Variants in TCEA1 observed in about 807,000 individuals in gnomAD.
The protein encoded by TCEA1 is transcription elongation factor A protein 1.
Under a neutral mutation model 43.8 loss-of-function variants are expected in TCEA1, and 21 were observed. That is an observed-to-expected ratio of 0.48 (90% CI 0.34 to 0.69). The LOEUF (loss-of-function observed/expected upper bound fraction) is 0.69, where lower values mean the gene tolerates loss of function less well. Ranked by LOEUF, TCEA1 falls within the 30% of genes least tolerant of loss-of-function variation. The pLI is 0.01. For synonymous variants in TCEA1, 104 were observed against 117.5 expected (o/e 0.88, Z 0.75); for missense variants, 250 against 365.1 (o/e 0.68, Z 2.57).
In TCEA1 at chr8:53,967,870, T is replaced by C. The variant is rs1045501956; in HGVS notation, c.*234A>G. 5 of 412,976 alleles carry C rather than the reference T, an allele frequency of 1.2e-5. No homozygotes were observed. Among genetic ancestry groups the C allele is most frequent in the Admixed American group, 4.0e-5 (1 of 24,826 alleles). 25.6% of individuals were successfully genotyped at this position (412,976 alleles called of 1,614,324 possible). The stretch of plus-strand genomic sequence containing the variant: ...AGTTTAATTAATATCAACTTACTTA[T>C]AAAAACAGAAAAAATATGTTTTGAA... On this transcript the variant is annotated 3_prime_UTR_variant, in exon 10 of 10. Coordinates refer to ENST00000521604, the MANE Select transcript of TCEA1 (RefSeq NM_006756.4).
Position 54,022,068 on chromosome 8 carries a change from T to G in TCEA1, c.58A>C (p.Asn20His). ...KKMDKMVQKK[N>H]AAGALDLLKE... is the part of the protein sequence containing the mutation. The stretch of plus-strand genomic sequence containing the variant: ...GCGCCGCTCGCCGCGCTCACCGCGT[T>G]CTTCTTCTGCACCATCTTGTCCATC... Residue 20 changes from asparagine to histidine, a missense_variant, in exon 1 of 10, where the codon AAC becomes CAC. This residue lies in a region of TCEA1 where 30 missense variants were observed against 31.8 expected (regional missense o/e 0.94). Transcript: ENST00000521604. 2.7e-6 allele frequency: 4 copies of G among 1,502,472 alleles called. No individual in the cohort carries two copies. Among genetic ancestry groups the G allele is most frequent in the Non-Finnish European group, 3.6e-6 (4 of 1,115,674 alleles). 93.1% of individuals were successfully genotyped at this position (1,502,472 alleles called of 1,614,324 possible).
chr8:53,994,201 C>T (rs1315436464), intron 3 of TCEA1, among the ~76,000 whole-genome samples: 6 of 152,010 alleles, frequency 3.9e-5, no homozygotes, highest in Admixed American at 2.0e-4. Flanking sequence ...AAAAATTAGC[C>T]GGGCGTGGTG....
At chr8:54,003,514 A>G (rs557125145) in intron 2 of TCEA1, among the ~76,000 whole-genome samples, 2 of 152,364 alleles carry the variant, frequency 1.3e-5, no homozygotes, top group South Asian at 4.1e-4. Context: ...TCAATGGGAT[A>G]AATTTAAGAC....
At chr8:54,004,106 A>G (rs1804363451) in intron 2 of TCEA1, among the ~76,000 whole-genome samples, 1 of 152,202 alleles carries the variant, frequency 6.6e-6, no homozygotes, top group Non-Finnish European at 1.5e-5. Flanking sequence ...CACCCACTAC[A>G]ATAGCTATAA....
At chr8:53,973,008 T>A in intron 8 of TCEA1, 1 of 672,288 alleles carries the variant, frequency 1.5e-6, no homozygotes, top group South Asian at 1.4e-5. Flanking sequence ...AGACTGAACA[T>A]GAAAGAATTA....
At chr8:54,011,550 G>A (rs1804652448) in intron 1 of TCEA1, among the ~76,000 whole-genome samples, 1 of 152,190 alleles carries the variant, frequency 6.6e-6, no homozygotes, top group African/African-American at 2.4e-5. Flanking sequence ...TGGCCATCTG[G>A]CCAATGATAT....
intron 4 of TCEA1, 33 bp from the exon 5 acceptor site, chr8:53,988,292 C>A (rs749082216): frequency 4.4e-6 from 7 of 1,598,762 alleles, no homozygotes; most frequent in Middle Eastern, 1.7e-4. Flanking sequence ...AAAAAGAAAT[C>A]AAGAACAATC....
chr8:54,009,252 G>T (rs888369450), intron 2 of TCEA1, among the ~76,000 whole-genome samples: 4 of 151,822 alleles, frequency 2.6e-5, no homozygotes, highest in African/African-American at 9.7e-5. Context: ...CACAGCCACT[G>T]TATAAAACAG....
At chr8:54,002,909 T>C (rs1417532111) in intron 2 of TCEA1, 2 of 455,832 alleles carry the variant, frequency 4.4e-6, no homozygotes, top group African/African-American at 2.0e-5. Context: ...AGGTGGAGAG[T>C]GCATTAAGCA....
chr8:53,996,918 T>TTTTTTTTTTTTTTTTG (rs1471902060), intron 3 of TCEA1, among the ~76,000 whole-genome samples: 1 of 149,098 alleles, frequency 6.7e-6, no homozygotes, highest in African/African-American at 2.5e-5. Context: ...TTTTTTTTTT[T>TTTTTTTTTTTTTTTTG]AGACAGACTC....
chr8:54,008,538 T>C (rs539014666), intron 2 of TCEA1, among the ~76,000 whole-genome samples: 1 of 151,890 alleles, frequency 6.6e-6, no homozygotes, highest in Admixed American at 6.6e-5. Flanking sequence ...AGTCCCCAGT[T>C]ACTTGGGGGT....
chr8:53,979,241 C>A, intron 7 of TCEA1, 70 bp from the exon 8 acceptor site: 1 of 1,391,318 alleles, frequency 7.2e-7, no homozygotes, highest in South Asian at 1.9e-5. Flanking sequence ...CTTTTATGCT[C>A]AATTAGCCTA....
At chr8:54,014,407 C>T (rs534267794) in intron 1 of TCEA1, among the ~76,000 whole-genome samples, 1 of 151,748 alleles carries the variant, frequency 6.6e-6, no homozygotes, top group African/African-American at 2.4e-5. Flanking sequence ...CCCAGGGGTT[C>T]GAGACCAGCC....
At chr8:54,011,974 T>A (rs1804667115) in intron 1 of TCEA1, among the ~76,000 whole-genome samples, 1 of 152,220 alleles carries the variant, frequency 6.6e-6, no homozygotes, top group African/African-American at 2.4e-5. Flanking sequence ...TAAAATTCTA[T>A]AAATTCTTCC....
intron 1 of TCEA1, among the ~76,000 whole-genome samples, chr8:54,019,738 G>A (rs950603558): frequency 1.3e-5 from 2 of 152,134 alleles, no homozygotes; most frequent in African/African-American, 2.4e-5. Context: ...GTAGGCTGAT[G>A]ATGCAGTTGG....
chr8:53,968,883 T>G (rs1428799327), intron 9 of TCEA1, among the ~76,000 whole-genome samples: 1 of 152,218 alleles, frequency 6.6e-6, no homozygotes, highest in Non-Finnish European at 1.5e-5. Context: ...GTCCCTCTCC[T>G]AGACCAATGA....
At chr8:53,980,473 C>T (rs1003190198) in intron 7 of TCEA1, among the ~76,000 whole-genome samples, 6 of 152,220 alleles carry the variant, frequency 3.9e-5, no homozygotes, top group African/African-American at 2.4e-5. Flanking sequence ...TTTCATGTCT[C>T]TGTGTCACAT....
chr8:53,999,107 A>G (rs1804164017), intron 3 of TCEA1, among the ~76,000 whole-genome samples: 1 of 151,024 alleles, frequency 6.6e-6, no homozygotes, highest in Non-Finnish European at 1.5e-5. Flanking sequence ...GGCCACCTGT[A>G]GTCCCAGCTA....
At position 53,970,520 on chromosome 8, in the gene TCEA1, AAAT is replaced by A. The variant is rs554346736; in HGVS notation, c.826-60_826-58del. On this transcript the variant is annotated intron_variant, in intron 8 of 9. Transcript: ENST00000521604. Reference sequence around the variant, plus strand: ...GCAGTACTATTAAAAAACCCAACCCAAATAATGTTATACATAAAGATATATATT... The same window carrying A: ...GCAGTACTATTAAAAAACCCAACCCAAATGTTATACATAAAGATATATATT... 37 of 862,506 alleles carry A rather than the reference AAAT, an allele frequency of 4.3e-5. No individual in the cohort carries two copies. The East Asian group carries it at 7.3e-4, about 17-fold the overall frequency. The allele number at this position is 862,506 out of a possible 1,614,324, so 53.4% of individuals were successfully genotyped here.
Sources: allele counts gnomAD v4.1 joint callset (sites outside exome capture counted in the v4.1 genomes callset), GRCh38; gene constraint gnomAD v4.1.1; regional missense constraint gnomAD v4.1.1; transcripts MANE v1.5; gene names NCBI Gene and HGNC (gene_info 2026-07-23, HGNC 2026-07-21).